Variants in ARID1B observed in about 807,000 individuals in gnomAD.
The protein encoded by ARID1B is AT-rich interaction domain 1B.
In ARID1B, 30 loss-of-function variants were observed where a neutral mutation model predicts 212.3. That is an observed-to-expected ratio of 0.14 (90% CI 0.11 to 0.19). The LOEUF is 0.19. Ranked by LOEUF, ARID1B falls within the 10% of genes least tolerant of loss-of-function variation. The pLI is 1.00. For synonymous variants in ARID1B, 1,402 were observed against 1,301.7 expected (o/e 1.08, Z -1.66); for missense variants, 2,891 against 3,204.0 (o/e 0.90, Z 2.36).
chr6:156,877,057 A>G (rs1786621706), intron 2 of ARID1B, among the ~76,000 whole-genome samples: 1 of 152,056 alleles, frequency 6.6e-6, no homozygotes, highest in African/African-American at 2.4e-5. Flanking sequence ...ATGTGTGTAG[A>G]TGCATTTTTC....
At chr6:157,186,975 T>C (rs78728439) in intron 13 of ARID1B, among the ~76,000 whole-genome samples, 24,501 of 152,202 alleles carry the variant, frequency 0.16, 4,426 homozygotes, top group African/African-American at 0.45. Context: ...GCACCCCACA[T>C]ATCACTGCCA....
chr6:156,779,161 AC>A lies in ARID1B; in HGVS notation c.1484del (p.Pro495ArgfsTer18). The stretch of plus-strand genomic sequence containing the variant: ...CAGCGCTTCGCCGGCCAGAACCAGC[AC>A]CCGTCGGGGGCCACCCCGACCCTCA... ...GFQRFAGQNQ[H>X]PSGATPTLNQ... is the part of the protein sequence containing the mutation. On this transcript the variant is annotated frameshift_variant, in exon 1 of 20. Transcript: ENST00000636930. LOFTEE classifies it high-confidence loss of function. 7.6e-7 allele frequency: 1 copy of A among 1,313,896 alleles called. No homozygotes were observed. 81.4% of individuals were successfully genotyped at this position (1,313,896 alleles called of 1,614,324 possible).
intron 6 of ARID1B, among the ~76,000 whole-genome samples, chr6:157,116,122 C>G (rs12212695): frequency 6.6e-6 from 1 of 152,270 alleles, no homozygotes; most frequent in African/African-American, 2.4e-5. Context: ...AGGTTGTCCT[C>G]TTAGGAAGTC....
intron 4 of ARID1B, among the ~76,000 whole-genome samples, chr6:157,032,007 G>A (rs534887113): frequency 6.6e-6 from 1 of 152,250 alleles, no homozygotes; most frequent in African/African-American, 2.4e-5. Context: ...ATGTTGGCCA[G>A]GCTGGTCTCG....
In ARID1B at chr6:156,901,435, A is replaced by G. The variant is rs766599882; in HGVS notation, c.2046A>G (p.Pro682=). ...VSGYCQQGQQ[P]YYSQQPQPPH... ...GTTACTGCCAGCAGGGCCAACAGCC[A>G]TATTACAGCCAGCAGCCGCAGCCCC... Residue 682 remains proline, a synonymous_variant, in exon 3 of 20, where the codon CCA becomes CCG. Coordinates refer to ENST00000636930, the MANE Select transcript of ARID1B (RefSeq NM_001374828.1). 1.2e-5 allele frequency: 19 copies of G among 1,614,078 alleles called. No individual in the cohort carries two copies. The highest frequency in any genetic ancestry group is 5.0e-5 in the Admixed American group (3 of 60,008).
At chr6:157,117,682 A>G (rs1201028135) in intron 6 of ARID1B, among the ~76,000 whole-genome samples, 1 of 152,198 alleles carries the variant, frequency 6.6e-6, no homozygotes. Flanking sequence ...CAGCTCTCAC[A>G]CCCTGTCAAA....
chr6:157,058,299 CTG>C (rs1179024570), intron 4 of ARID1B, among the ~76,000 whole-genome samples: 1 of 148,666 alleles, frequency 6.7e-6, no homozygotes, highest in Admixed American at 6.7e-5. Context: ...AAGTCTCACT[CTG>C]TTGCCCAAGC....
chr6:156,836,840 A>G (rs1291358774), intron 2 of ARID1B, among the ~76,000 whole-genome samples: 2 of 151,832 alleles, frequency 1.3e-5, no homozygotes, highest in Admixed American at 6.6e-5. Flanking sequence ...AATTTTTAAT[A>G]TTTTTGTAGA....
At chr6:157,117,194 CA>C (rs1267681528) in intron 6 of ARID1B, among the ~76,000 whole-genome samples, 1 of 152,118 alleles carries the variant, frequency 6.6e-6, no homozygotes, top group Non-Finnish European at 1.5e-5. Context: ...CGTACTACTA[CA>C]AAAAGGTGAA....
At chr6:156,910,293 A>G (rs1354011574) in intron 3 of ARID1B, among the ~76,000 whole-genome samples, 7 of 152,294 alleles carry the variant, frequency 4.6e-5, no homozygotes, top group Admixed American at 2.0e-4. Flanking sequence ...TGTGGTTGCT[A>G]TTTCTTAAAG....
At chr6:156,913,525 C>T (rs1777569714) in intron 3 of ARID1B, among the ~76,000 whole-genome samples, 1 of 152,018 alleles carries the variant, frequency 6.6e-6, no homozygotes, top group African/African-American at 2.4e-5. Flanking sequence ...CAACATTTTT[C>T]AAGAATACAA....
chr6:156,861,939 A>G (rs1785362797), intron 2 of ARID1B, among the ~76,000 whole-genome samples: 1 of 152,162 alleles, frequency 6.6e-6, no homozygotes, highest in African/African-American at 2.4e-5. Flanking sequence ...GGCATTTGTG[A>G]GTTTGAAGTC....
chr6:156,953,492 A>G (rs928786322), intron 4 of ARID1B, among the ~76,000 whole-genome samples: 8 of 152,228 alleles, frequency 5.3e-5, no homozygotes, highest in African/African-American at 1.7e-4. Flanking sequence ...ACTCTGTACT[A>G]TGTAATTTTA....
intron 4 of ARID1B, among the ~76,000 whole-genome samples, chr6:157,030,830 G>C (rs1304659424): frequency 6.6e-6 from 1 of 152,062 alleles, no homozygotes; most frequent in Non-Finnish European, 1.5e-5. Flanking sequence ...ATATTTATTG[G>C]GTCCCTGTAT....
chr6:156,919,692 C>A (rs1251779223), intron 3 of ARID1B, among the ~76,000 whole-genome samples: 2 of 152,168 alleles, frequency 1.3e-5, no homozygotes, highest in Admixed American at 6.5e-5. Flanking sequence ...CTTAGTTGGG[C>A]GTGTTAGCGG....
At chr6:156,944,580 C>T (rs182597382) in intron 4 of ARID1B, among the ~76,000 whole-genome samples, 2 of 152,212 alleles carry the variant, frequency 1.3e-5, no homozygotes, top group African/African-American at 4.8e-5. Context: ...CTGCAGGACG[C>T]CGAAATCTTT....
chr6:157,208,877 CA>C lies in ARID1B; in HGVS notation c.*996del, dbSNP rs200471587. Reference sequence around the variant, plus strand: ...AAAGAAAAAATACAAAAAACAAAAACAAAAAAAAAAGAGGGTAATGTACAAG... The same window carrying C: ...AAAGAAAAAATACAAAAAACAAAAACAAAAAAAAAGAGGGTAATGTACAAG... On this transcript the variant is annotated 3_prime_UTR_variant, in exon 20 of 20. Coordinates refer to ENST00000636930, the MANE Select transcript of ARID1B (RefSeq NM_001374828.1). 3.9e-3 allele frequency: 776 copies of C among 199,838 alleles called. 3 individuals carry two copies. Among genetic ancestry groups the C allele is most frequent in the East Asian group, 0.021 (283 of 13,218 alleles). 12.4% of individuals were successfully genotyped at this position (199,838 alleles called of 1,614,324 possible).
At position 156,777,794 on chromosome 6, in the gene ARID1B, G is replaced by A. The variant is rs1276268794; in HGVS notation, c.114G>A (p.Arg38=). ...GGCCGCGGCCGGCGCCCGGAGCCCG[G>A]GACCTGGAGGCGGGGGCGCGCGGCG... ...PPGPRPAPGA[R]DLEAGARGAA... The change falls in exon 1 of 20, where the codon CGG becomes CGA. Residue 38 remains arginine (R), a synonymous_variant. Coordinates refer to ENST00000636930, the MANE Select transcript of ARID1B (RefSeq NM_001374828.1). The A allele has an allele frequency of 2.1e-6, 2 of 948,122 alleles. No individual in the cohort carries two copies. The highest frequency in any genetic ancestry group is 2.5e-6 in the Non-Finnish European group (2 of 799,166). 58.7% of individuals were successfully genotyped at this position (948,122 alleles called of 1,614,324 possible). A position where few individuals can be genotyped will look rare whatever the true frequency, so the allele number is the denominator to read the frequency against.
intron 4 of ARID1B, among the ~76,000 whole-genome samples, chr6:156,966,381 CTTTTCTTTTTTTTTTT>C (rs1794745626): frequency 2.2e-5 from 2 of 89,436 alleles, no homozygotes; most frequent in Non-Finnish European, 2.4e-5. Flanking sequence ...CTTTTCTTTT[CTTTTCTTTTTTTTTTT>C]TTTTTTTTTT....
Sources: allele counts gnomAD v4.1 joint callset (sites outside exome capture counted in the v4.1 genomes callset), GRCh38; gene constraint gnomAD v4.1.1; transcripts MANE v1.5; gene names NCBI Gene and HGNC (gene_info 2026-07-23, HGNC 2026-07-21).